Variants in ALX3 observed in about 807,000 individuals in gnomAD.
ALX3 encodes homeobox protein aristaless-like 3.
In ALX3, 17 loss-of-function variants were observed where a neutral mutation model predicts 26.3. The observed-to-expected ratio is 0.65, with a 90% confidence interval of 0.44 to 0.97. The LOEUF (loss-of-function observed/expected upper bound fraction) is 0.97, where lower values mean the gene tolerates loss of function less well. ALX3 is among the 50% of genes least tolerant of loss of function. The pLI is 0.00. For missense variants in ALX3, 461 were observed against 466.5 expected (o/e 0.99, Z 0.11); for synonymous variants, 208 against 201.4 (o/e 1.03, Z -0.28).
chr1:110,061,905 C>T (rs1274283647), intron 2 of ALX3: 3 of 312,298 alleles, frequency 9.6e-6, no homozygotes, highest in Admixed American at 9.0e-5. Flanking sequence ...ATACTGTGTA[C>T]ATGTGTTGGG....
chr1:110,065,271 G>C (rs776705496), intron 1 of ALX3, among the ~76,000 whole-genome samples: 1 of 152,214 alleles, frequency 6.6e-6, no homozygotes, highest in Non-Finnish European at 1.5e-5. Context: ...AGGGCGGGGT[G>C]AGGATGGGGT....
rs1229729442 is a variant in ALX3, at chr1:110,070,630, AGGCCTCCG to A, written c.-26_-19del. 6 of 1,214,568 alleles carry A rather than the reference AGGCCTCCG, an allele frequency of 4.9e-6. No individual in the cohort carries two copies. The highest frequency in any genetic ancestry group is 8.7e-5 in the Admixed American group (2 of 22,876). 75.2% of individuals were successfully genotyped at this position (1,214,568 alleles called of 1,614,324 possible). ...GGGTCCATGCCGGCTCAGGGCGCACAGGCCTCCGGGGCTCCGGGGCTCGCGCTGCCCGC... is the reference window on the plus strand; with the variant it reads ...GGGTCCATGCCGGCTCAGGGCGCACAGGGCTCCGGGGCTCGCGCTGCCCGC... On this transcript the variant is annotated 5_prime_UTR_variant, in exon 1 of 4. Coordinates refer to ENST00000647563, the MANE Select transcript of ALX3 (RefSeq NM_006492.3).
At chr1:110,063,835 A>C (rs995726754) in intron 2 of ALX3, among the ~76,000 whole-genome samples, 1 of 151,676 alleles carries the variant, frequency 6.6e-6, no homozygotes, top group African/African-American at 2.4e-5. Context: ...TGCCACCTTC[A>C]TGTGCTTGAC....
chr1:110,060,716 C>A lies in ALX3; in HGVS notation c.*17G>T. The stretch of plus-strand genomic sequence containing the variant: ...AAAAAGAGGTGGGCAGCTCATTCTG[C>A]AGGTCCATGCAACCGATCACGTGGT... On this transcript the variant is annotated 3_prime_UTR_variant, in exon 4 of 4. Coordinates refer to ENST00000647563, the MANE Select transcript of ALX3 (RefSeq NM_006492.3). 7.4e-7 allele frequency: 1 copy of A among 1,347,816 alleles called. No homozygotes were observed. The highest frequency in any genetic ancestry group is 9.6e-7 in the Non-Finnish European group (1 of 1,045,812). The allele number at this position is 1,347,816 out of a possible 1,614,324, so 83.5% of individuals were successfully genotyped here.
chr1:110,061,310 A>G, intron 3 of ALX3, 125 bp downstream of exon 3: 3 of 1,425,356 alleles, frequency 2.1e-6, no homozygotes, highest in Non-Finnish European at 2.9e-6. Context: ...TTGCAGAGAA[A>G]GAAGTGAAGT....
At chr1:110,062,968 G>A (rs1653691667) in intron 2 of ALX3, among the ~76,000 whole-genome samples, 1 of 152,180 alleles carries the variant, frequency 6.6e-6, no homozygotes, top group Non-Finnish European at 1.5e-5. Flanking sequence ...GGCCTCCCCT[G>A]GGCTCTGGAC....
chr1:110,066,260 A>C (rs1653778298), intron 1 of ALX3, among the ~76,000 whole-genome samples: 1 of 152,162 alleles, frequency 6.6e-6, no homozygotes, highest in East Asian at 1.9e-4. Context: ...CCAGGCCATG[A>C]GATAAGCTCC....
At position 110,060,855 on chromosome 1, in the gene ALX3, G is replaced by T; in HGVS notation, c.910C>A (p.Pro304Thr). 6.2e-7 allele frequency: 1 copy of T among 1,614,032 alleles called. No homozygotes were observed. The highest frequency in any genetic ancestry group is 8.5e-7 in the Non-Finnish European group (1 of 1,180,012). ...AAGCTGTGGCCCCCCAGGGTGGGGG[G>T]AAAGCCATGGATGGAGTAGATGCCA... ...HPGIYSIHGFPPTLGGHSFEP... is the reference protein window; with the variant it reads ...HPGIYSIHGFTPTLGGHSFEP... The change falls in exon 4 of 4, where the codon CCC becomes ACC. Residue 304 changes from proline to threonine, a missense_variant. This residue lies in a region of ALX3 where 169 missense variants were observed against 178.0 expected (regional missense o/e 0.95). Coordinates refer to ENST00000647563, the MANE Select transcript of ALX3 (RefSeq NM_006492.3).
At chr1:110,066,258 T>C (rs984477497) in intron 1 of ALX3, among the ~76,000 whole-genome samples, 3 of 151,954 alleles carry the variant, frequency 2.0e-5, no homozygotes, top group African/African-American at 7.2e-5. Context: ...ACCCAGGCCA[T>C]GAGATAAGCT....
Position 110,060,683 on chromosome 1 carries a change from G to T in ALX3, c.*50C>A. ...AGGCAGAGGTGGGCTGGGAGCGACT[G>T]GGAATGGAAAAAGAGGTGGGCAGCT... On this transcript the variant is annotated 3_prime_UTR_variant, in exon 4 of 4. Coordinates refer to ENST00000647563, the MANE Select transcript of ALX3 (RefSeq NM_006492.3). 3.7e-6 allele frequency: 2 copies of T among 539,088 alleles called. No homozygotes were observed. The highest frequency in any genetic ancestry group is 4.1e-5 in the South Asian group (1 of 24,616). The allele number at this position is 539,088 out of a possible 1,614,324, so 33.4% of individuals were successfully genotyped here.
intron 2 of ALX3, among the ~76,000 whole-genome samples, chr1:110,063,543 G>C (rs1271287929): frequency 6.6e-6 from 1 of 152,090 alleles, no homozygotes; most frequent in East Asian, 1.9e-4. Context: ...ACTATCTCCT[G>C]CCCTAGTGCC....
rs767813698 is a variant in ALX3 at position 110,060,842 on chromosome 1, C to T, written c.923G>A (p.Gly308Glu). 14 of 1,614,000 alleles carry T rather than the reference C, an allele frequency of 8.7e-6. No individual in the cohort carries two copies. The highest frequency in any genetic ancestry group is 9.3e-6 in the Non-Finnish European group (11 of 1,179,994). The change falls in exon 4 of 4, where the codon GGG becomes GAG. Residue 308 changes from glycine (G) to glutamate (E), a missense_variant. Gly to Glu is a moderately conservative substitution (Grantham distance 98). Transcript: ENST00000647563. The part of the protein sequence containing the change: ...YSIHGFPPTL[G>E]GHSFEPSSDG... ...TGAGGAAGGCTCAAAGCTGTGGCCCCCCAGGGTGGGGGGAAAGCCATGGAT... is the reference window on the plus strand; with the variant it reads ...TGAGGAAGGCTCAAAGCTGTGGCCCTCCAGGGTGGGGGGAAAGCCATGGAT...
chr1:110,070,017 A>G (rs1653879384), intron 1 of ALX3, among the ~76,000 whole-genome samples: 1 of 152,076 alleles, frequency 6.6e-6, no homozygotes, highest in Non-Finnish European at 1.5e-5. Context: ...TCGGCAGAGC[A>G]TGCTCTCTCC....
Position 110,070,363 on chromosome 1 carries a change from C to T in ALX3, c.250G>A (p.Gly84Ser). The change falls in exon 1 of 4, where the codon GGC (glycine) becomes AGC (serine). Residue 84 changes from glycine (G) to serine (S), a missense_variant. Around this residue, in one of 3 missense-constraint regions of ALX3, gnomAD observed 241 missense variants for 206.1 expected, o/e 1.17. Transcript: ENST00000647563. The stretch of plus-strand genomic sequence containing the variant: ...TCCGCGGGGCCCTCGTAGAAGTGGC[C>T]GCCGTTGAGGGCCGGGCCGGGCCCG... The part of the protein sequence containing the change: ...DLGPGPALNG[G>S]HFYEGPAEAE... 1.6e-6 allele frequency: 2 copies of T among 1,289,822 alleles called. No homozygotes were observed. The highest frequency in any genetic ancestry group is 2.0e-6 in the Non-Finnish European group (2 of 1,018,594). 79.9% of individuals were successfully genotyped at this position (1,289,822 alleles called of 1,614,324 possible).
chr1:110,064,468 C>T, intron 2 of ALX3, 119 bp downstream of exon 2: 2 of 1,252,376 alleles, frequency 1.6e-6, no homozygotes, highest in Non-Finnish European at 2.3e-6. Flanking sequence ...TGGTGCAGGC[C>T]CCTGGGAAAG....
rs1047196284 is a variant in ALX3, at chr1:110,064,607, G to T, written c.574C>A (p.Leu192Met). The change falls in exon 2 of 4, where the codon CTG becomes ATG. Residue 192 changes from leucine (L) to methionine (M), a missense_variant. By Grantham distance (15) the Leu-to-Met change is conservative. Coordinates refer to ENST00000647563, the MANE Select transcript of ALX3 (RefSeq NM_006492.3). ...AREQLALRTDLTEARVQVWFQ... is the reference protein window; with the variant it reads ...AREQLALRTDMTEARVQVWFQ... Reference sequence around the variant, plus strand: ...CTCACCTGTACCCGGGCCTCAGTCAGGTCTGTGCGCAGGGCCAGCTGCTCC... The same window carrying T: ...CTCACCTGTACCCGGGCCTCAGTCATGTCTGTGCGCAGGGCCAGCTGCTCC... The T allele has an allele frequency of 6.2e-7, 1 of 1,614,098 alleles. No individual in the cohort carries two copies. Among genetic ancestry groups the T allele is most frequent in the Non-Finnish European group, 8.5e-7 (1 of 1,180,042 alleles).
At chr1:110,065,832 C>T (rs1003835442) in intron 1 of ALX3, among the ~76,000 whole-genome samples, 6 of 152,252 alleles carry the variant, frequency 3.9e-5, no homozygotes, top group African/African-American at 1.4e-4. Flanking sequence ...TTGGCGGAGC[C>T]TCACCATGGT....
intron 1 of ALX3, among the ~76,000 whole-genome samples, chr1:110,068,041 G>A (rs1653830921): frequency 6.6e-6 from 1 of 152,216 alleles, no homozygotes; most frequent in South Asian, 2.1e-4. Flanking sequence ...CGGACGGCGC[G>A]AGAGTGGCTG....
rs71580517 is a variant in ALX3 at position 110,066,572 on chromosome 1, TC to T, written c.278-1670del. Among the ~76,000 whole-genome samples, 461 of 72,528 alleles carry T rather than the reference TC, an allele frequency of 6.4e-3. 4 individuals carry two copies. The Middle Eastern group carries it at 0.074, about 12-fold the overall frequency. The allele number at this position is 72,528 out of a possible 152,430, so 47.6% of individuals were successfully genotyped here. A position where few individuals can be genotyped will look rare whatever the true frequency, so the allele number is the denominator to read the frequency against. ...AGACTAGGGACACTGGAATGGGACA[TC>T]CCCCCCCCCCGCCCCCGCCACCCCC... On this transcript the variant is annotated intron_variant, in intron 1 of 3. Coordinates refer to ENST00000647563, the MANE Select transcript of ALX3 (RefSeq NM_006492.3).
Sources: allele counts gnomAD v4.1 joint callset (sites outside exome capture counted in the v4.1 genomes callset), GRCh38; gene constraint gnomAD v4.1.1; regional missense constraint gnomAD v4.1.1; transcripts MANE v1.5; gene names NCBI Gene and HGNC (gene_info 2026-07-23, HGNC 2026-07-21).